Variants in CCDC7 observed in about 807,000 individuals in gnomAD.
CCDC7 encodes coiled-coil domain containing 7.
Under a neutral mutation model 196.9 loss-of-function variants are expected in CCDC7, and 183 were observed. That is an observed-to-expected ratio of 0.93 (90% CI 0.82 to 1.05). The LOEUF (loss-of-function observed/expected upper bound fraction) is 1.05, where lower values mean the gene tolerates loss of function less well. CCDC7 is among the 50% of genes least tolerant of loss of function. The pLI is 0.00. For missense variants in CCDC7, 1,540 were observed against 1,482.2 expected (o/e 1.04, Z -0.64); for synonymous variants, 525 against 484.6 (o/e 1.08, Z -1.10).
intron 11 of CCDC7, 86 bp from the exon 13 acceptor site, chr10:32,543,214 G>A: frequency 8.6e-7 from 1 of 1,156,382 alleles, no homozygotes; most frequent in South Asian, 2.7e-5. Flanking sequence ...AGAGTAAAAT[G>A]TACATTAATA....
intron 9 of CCDC7, chr10:32,514,272 G>A (rs955089559): frequency 6.6e-6 from 1 of 152,178 alleles, no homozygotes; most frequent in East Asian, 1.9e-4. Context: ...TGGAAACAGG[G>A]TTATTCCCGA....
At chr10:32,528,769 T>C (rs1257504221) in intron 11 of CCDC7, among the ~76,000 whole-genome samples, 9 of 149,220 alleles carry the variant, frequency 6.0e-5, no homozygotes, top group Non-Finnish European at 1.0e-4. Flanking sequence ...TATTTACATA[T>C]ACACACACAT....
chr10:32,880,268 A>T (rs1036939617), downstream of CCDC7, among the ~76,000 whole-genome samples: 4 of 152,270 alleles, frequency 2.6e-5, no homozygotes, highest in South Asian at 4.1e-4. Context: ...ATGGTATCTC[A>T]TTGTGGCTTT....
At chr10:32,819,098 A>C (rs1331356671) in intron 31 of CCDC7, among the ~76,000 whole-genome samples, 1 of 152,180 alleles carries the variant, frequency 6.6e-6, no homozygotes, top group Non-Finnish European at 1.5e-5. Flanking sequence ...GGAGAGAAGA[A>C]TCAAATAGAC....
At chr10:32,708,446 G>T (rs1324536287) in intron 24 of CCDC7, among the ~76,000 whole-genome samples, 1 of 152,150 alleles carries the variant, frequency 6.6e-6, no homozygotes, top group Non-Finnish European at 1.5e-5. Flanking sequence ...AAAAGCAATG[G>T]CAACGAAAGC....
At chr10:32,633,366 T>G (rs2065144784) in intron 18 of CCDC7, among the ~76,000 whole-genome samples, 1 of 152,232 alleles carries the variant, frequency 6.6e-6, no homozygotes, top group South Asian at 2.1e-4. Context: ...TTGCCTTCCT[T>G]CATTTTGTAT....
At chr10:32,701,986 A>AT (rs2078830801) in intron 24 of CCDC7, among the ~76,000 whole-genome samples, 1 of 151,922 alleles carries the variant, frequency 6.6e-6, no homozygotes, top group African/African-American at 2.4e-5. Context: ...GGATTCATTG[A>AT]TTTTTTTGAG....
chr10:32,737,852 T>A (rs1435923926), intron 28 of CCDC7, among the ~76,000 whole-genome samples: 1 of 152,204 alleles, frequency 6.6e-6, no homozygotes, highest in Non-Finnish European at 1.5e-5. Flanking sequence ...AGCTTTGCTT[T>A]GATTAGTTAG....
intron 28 of CCDC7, among the ~76,000 whole-genome samples, chr10:32,745,911 A>G (rs1181862341): frequency 6.6e-6 from 1 of 152,128 alleles, no homozygotes; most frequent in East Asian, 1.9e-4. Context: ...AGTTTCTACT[A>G]TAGATTTTAT....
chr10:32,470,760 G>A (rs1012509965), intron 5 of CCDC7, among the ~76,000 whole-genome samples: 1 of 152,184 alleles, frequency 6.6e-6, no homozygotes, highest in South Asian at 2.1e-4. Flanking sequence ...AATGACTCTT[G>A]TAAATATTTT....
At chr10:32,672,970 A>AT (rs1189558934) in intron 21 of CCDC7, among the ~76,000 whole-genome samples, 1 of 152,030 alleles carries the variant, frequency 6.6e-6, no homozygotes, top group African/African-American at 2.4e-5. Flanking sequence ...ACTAAGGTTG[A>AT]TTTTTTTGTG....
At chr10:32,456,931 A>G (rs780044327) in intron 3 of CCDC7, among the ~76,000 whole-genome samples, 2 of 152,008 alleles carry the variant, frequency 1.3e-5, no homozygotes, top group Non-Finnish European at 2.9e-5. Context: ...GATACATACA[A>G]TGGGTAGTGG....
chr10:32,628,449 A>G (rs1056956963), intron 18 of CCDC7, among the ~76,000 whole-genome samples: 2 of 151,978 alleles, frequency 1.3e-5, no homozygotes, highest in Non-Finnish European at 2.9e-5. Flanking sequence ...ATTTCAAAGA[A>G]TCAAGTCTTA....
chr10:32,756,013 G>A (rs1317555963), intron 28 of CCDC7, among the ~76,000 whole-genome samples: 7 of 152,108 alleles, frequency 4.6e-5, no homozygotes, highest in South Asian at 2.1e-4. Flanking sequence ...ATCAGTGATC[G>A]AAGATCAAAT....
rs2072126615 is a variant in CCDC7, at chr10:32,664,162, G to T, written c.2122+1G>T. On this transcript the variant is annotated splice_donor_variant, in intron 21 of 41. Coordinates refer to ENST00000639629, the Ensembl canonical transcript of CCDC7. LOFTEE classifies it high-confidence loss of function. Reference sequence around the variant, plus strand: ...TCTTTCCAAGATAATCAACTCAGTAGTAAGTGTAATAATTGTAGATAACCT... The same window carrying T: ...TCTTTCCAAGATAATCAACTCAGTATTAAGTGTAATAATTGTAGATAACCT... 1 of 395,398 alleles carries T rather than the reference G, an allele frequency of 2.5e-6. No homozygotes were observed. Among genetic ancestry groups the T allele is most frequent in the Non-Finnish European group, 4.5e-6 (1 of 223,660 alleles). 24.5% of individuals were successfully genotyped at this position (395,398 alleles called of 1,614,324 possible).
intron 25 of CCDC7, among the ~76,000 whole-genome samples, chr10:32,715,170 G>A (rs2081387386): frequency 6.6e-6 from 1 of 152,174 alleles, no homozygotes; most frequent in Non-Finnish European, 1.5e-5. Context: ...TCTGGCCGGT[G>A]CCCCTCTGGG....
At chr10:32,758,239 A>G (rs1427711135) in intron 28 of CCDC7, among the ~76,000 whole-genome samples, 1 of 152,222 alleles carries the variant, frequency 6.6e-6, no homozygotes, top group Non-Finnish European at 1.5e-5. Flanking sequence ...AATCCTCCCC[A>G]ACTCATTTTA....
rs371949989 is a variant in CCDC7, at chr10:32,646,377, G to A, written c.2014+11219G>A. Among the ~76,000 whole-genome samples the A allele has an allele frequency of 2.0e-4, 30 of 150,972 alleles. No individual in the cohort carries two copies. In the East Asian group the frequency reaches 5.1e-3, roughly 26 times the overall value. On this transcript the variant is annotated intron_variant, in intron 20 of 41. Coordinates refer to ENST00000639629, the Ensembl canonical transcript of CCDC7. Reference sequence around the variant, plus strand: ...TATTGATTCATAGTTTTATTCCATTGTAATCATAAAATATACTTCATATGA... The same window carrying A: ...TATTGATTCATAGTTTTATTCCATTATAATCATAAAATATACTTCATATGA...
chr10:32,873,162 C>T (rs951288998), intron 41 of CCDC7, among the ~76,000 whole-genome samples: 1 of 152,164 alleles, frequency 6.6e-6, no homozygotes, highest in Non-Finnish European at 1.5e-5. Context: ...CTCCCTGTCA[C>T]TTTCAGGTAC....
Sources: gnomAD v4.1 joint callset for allele counts (sites outside exome capture counted in the v4.1 genomes callset) on GRCh38, gnomAD v4.1.1 for gene constraint, MANE v1.5 for transcripts, NCBI Gene and HGNC (gene_info 2026-07-23, HGNC 2026-07-21) for gene names.